EP400: variants seen among roughly 807,000 people sequenced by gnomAD.
The protein encoded by EP400 is E1A binding protein p400.
A neutral mutation model predicts 354.1 loss-of-function variants in EP400; 105 were observed. That is an observed-to-expected ratio of 0.30 (90% CI 0.25 to 0.35). The LOEUF is 0.35. Among genes scored for constraint, EP400 ranks in the 10% least tolerant of loss-of-function variants. EP400 has a pLI of 1.00. For synonymous variants in EP400, 1,646 were observed against 1,716.9 expected (o/e 0.96, Z 1.02); for missense variants, 3,280 against 4,121.0 (o/e 0.80, Z 5.59).
rs1895325798 is a variant in EP400, at chr12:132,052,414, T to G, written c.7395-732T>G. Reference sequence around the variant, plus strand: ...CGCTCTGAGTCGCCTGGCCCTGGCTTTCAGCCCCTTGGTGCTCCCTGAGTG... The same window carrying G: ...CGCTCTGAGTCGCCTGGCCCTGGCTGTCAGCCCCTTGGTGCTCCCTGAGTG... On this transcript the variant is annotated intron_variant, in intron 41 of 52. Transcript: ENST00000389561. The surrounding 1 kb of genome is among the most constrained non-coding windows in gnomAD (Gnocchi z 4.4). Among the ~76,000 whole-genome samples, 1 of 152,370 alleles carries G rather than the reference T, an allele frequency of 6.6e-6. No individual in the cohort carries two copies. Among genetic ancestry groups the G allele is most frequent in the East Asian group, 1.9e-4 (1 of 5,174 alleles).
chr12:131,998,033 A>C (rs1422440362), intron 12 of EP400, among the ~76,000 whole-genome samples: 6 of 152,192 alleles, frequency 3.9e-5, no homozygotes, highest in African/African-American at 1.4e-4. Flanking sequence ...GGAAAGCCAT[A>C]TTGAAAAGCC....
Position 132,012,993 on chromosome 12 carries a change from C to T in EP400, c.3442-16C>T, listed in dbSNP as rs1566186560. The T allele has an allele frequency of 1.9e-6, 3 of 1,592,570 alleles. No homozygotes were observed. The highest frequency in any genetic ancestry group is 2.7e-5 in the African/African-American group (2 of 74,544). On this transcript the variant is annotated splice_polypyrimidine_tract_variant and intron_variant, in intron 16 of 52. Transcript: ENST00000389561. ...GTGGAGTGTGAAGGCACTGAGCTGT[C>T]CTCTCTGTGCTGCAGGAGTGGGCCG... is the stretch of plus-strand genomic sequence containing the variant.
chr12:132,040,089 A>C (rs1184340872), intron 32 of EP400, among the ~76,000 whole-genome samples: 1 of 152,206 alleles, frequency 6.6e-6, no homozygotes, highest in Non-Finnish European at 1.5e-5. Context: ...AAAGGAAAAC[A>C]TGTAAGTGGC....
intron 2 of EP400, among the ~76,000 whole-genome samples, chr12:131,964,008 A>T (rs1345846878): frequency 6.6e-6 from 1 of 152,208 alleles, no homozygotes; most frequent in East Asian, 1.9e-4. Flanking sequence ...TAAGAAAAAA[A>T]AGATTCAAGT....
intron 5 of EP400, among the ~76,000 whole-genome samples, chr12:131,984,416 A>G (rs944939848): frequency 1.3e-5 from 2 of 152,194 alleles, no homozygotes; most frequent in Non-Finnish European, 2.9e-5. Context: ...ACCAGAGGCC[A>G]GAAAAGCCAG....
chr12:132,062,818 C>A (rs971161239), intron 47 of EP400, 117 bp downstream of exon 47: 38 of 1,300,704 alleles, frequency 2.9e-5, no homozygotes, highest in Non-Finnish European at 3.7e-5. Context: ...AAACGTCTAG[C>A]ACTGCCTTTA....
chr12:132,071,038 C>T (rs1467658823), intron 51 of EP400, among the ~76,000 whole-genome samples: 1 of 152,188 alleles, frequency 6.6e-6, no homozygotes, highest in Non-Finnish European at 1.5e-5. Flanking sequence ...TTGCTTTCTC[C>T]TGCCTTACTG....
chr12:131,981,071 A>T (rs1317013004), intron 3 of EP400, among the ~76,000 whole-genome samples: 1 of 152,060 alleles, frequency 6.6e-6, no homozygotes, highest in Non-Finnish European at 1.5e-5. Flanking sequence ...CCTTGTTCTG[A>T]TATGGGTTTC....
intron 48 of EP400, 146 bp downstream of exon 48, chr12:132,065,032 C>T: frequency 5.7e-6 from 8 of 1,399,106 alleles, no homozygotes; most frequent in Non-Finnish European, 6.6e-6. Flanking sequence ...ACCCCTTGGA[C>T]AGAGGACGGG....
At position 132,027,714 on chromosome 12, in the gene EP400, CT is replaced by C. The variant is rs1158849938; in HGVS notation, c.5109+190del. ...AAACTGGACTTACGACTGCCACAAT[CT>C]TTTTTTGTATTTTTTATGTCCTTCT... On this transcript the variant is annotated intron_variant, in intron 26 of 52. Transcript: ENST00000389561. The surrounding 1 kb of genome is among the most constrained non-coding windows in gnomAD (Gnocchi z 4.9). 1.3e-5 allele frequency among the ~76,000 whole-genome samples: 2 copies of C among 152,190 alleles called. No individual in the cohort carries two copies. Among genetic ancestry groups the C allele is most frequent in the Non-Finnish European group, 2.9e-5 (2 of 68,018 alleles).
intron 12 of EP400, 33 bp from the exon 13 acceptor site, chr12:132,005,044 A>G (rs1399121933): frequency 6.7e-7 from 1 of 1,499,704 alleles, no homozygotes; most frequent in Non-Finnish European, 9.1e-7. Context: ...GTTGTTATAA[A>G]GTAACAGCCC....
chr12:131,990,222 C>A lies in EP400; in HGVS notation c.2550+118C>A. The A allele has an allele frequency of 8.3e-7, 1 of 1,197,688 alleles. No homozygotes were observed. Among genetic ancestry groups the A allele is most frequent in the South Asian group, 1.5e-5 (1 of 66,956 alleles). The allele number at this position is 1,197,688 out of a possible 1,614,324, so 74.2% of individuals were successfully genotyped here. A position where few individuals can be genotyped will look rare whatever the true frequency, so the allele number is the denominator to read the frequency against. ...GGAAGCTTTCGAGCACCAGAGTCAG[C>A]AACGTGTGCACTCTCCTGGGCTGTT... On this transcript the variant is annotated intron_variant, in intron 8 of 52. Transcript: ENST00000389561. This position sits in a 1 kb window ranked among gnomAD's most constrained non-coding sequence, Gnocchi z 4.2.
chr12:132,043,491 A>G lies in EP400; in HGVS notation c.6366+29A>G, dbSNP rs371508416. 3.1e-6 allele frequency: 5 copies of G among 1,599,630 alleles called. No individual in the cohort carries two copies. The Admixed American group carries it at 5.4e-5, about 17-fold the overall frequency. On this transcript the variant is annotated intron_variant, in intron 33 of 52. Transcript: ENST00000389561. ...TGGGCATGTTTTCCTTTACAACTAC[A>G]TATTTTAAAAATTTGACGCTTCTAT...
intron 1 of EP400, among the ~76,000 whole-genome samples, chr12:131,957,347 A>G (rs1462169297): frequency 6.6e-6 from 1 of 152,100 alleles, no homozygotes; most frequent in Non-Finnish European, 1.5e-5. Flanking sequence ...AAACATTTAA[A>G]AATTATCTTC....
intron 30 of EP400, 102 bp downstream of exon 30, chr12:132,032,251 C>A: frequency 1.5e-6 from 2 of 1,340,040 alleles, no homozygotes; most frequent in Non-Finnish European, 2.0e-6. Flanking sequence ...CAATGAGAAG[C>A]TTTGCAGGAG....
intron 12 of EP400, among the ~76,000 whole-genome samples, chr12:132,001,077 G>A (rs1893395352): frequency 6.6e-6 from 1 of 152,066 alleles, no homozygotes; most frequent in South Asian, 2.1e-4. Flanking sequence ...AGGGTCGGTG[G>A]GTTTCTTCCC....
Position 132,038,408 on chromosome 12 carries a change from TCCTCTGG to T in EP400, c.6207+313_6207+319del, listed in dbSNP as rs1894786315. On this transcript the variant is annotated intron_variant, in intron 32 of 52. Coordinates refer to ENST00000389561, the MANE Select transcript of EP400 (RefSeq NM_015409.5). The surrounding 1 kb of genome is among the most constrained non-coding windows in gnomAD (Gnocchi z 4.2). The stretch of plus-strand genomic sequence containing the variant: ...CTCCCCATGGAAATCTATCCCTGCC[TCCTCTGG>T]AGGCTCTGCGGGCACTACCCCTACT... 6.6e-6 allele frequency among the ~76,000 whole-genome samples: 1 copy of T among 152,206 alleles called. No homozygotes were observed. The highest frequency in any genetic ancestry group is 6.5e-5 in the Admixed American group (1 of 15,276).
chr12:131,958,148 A>G (rs1485975126), intron 1 of EP400, among the ~76,000 whole-genome samples: 1 of 152,232 alleles, frequency 6.6e-6, no homozygotes, highest in African/African-American at 2.4e-5. Flanking sequence ...CTTTTGTGCC[A>G]GTTTCACACT....
In EP400 at chr12:131,990,107, G is replaced by A. The variant is rs1160644148; in HGVS notation, c.2550+3G>A. ...GCTTTTGGTCGAATATTGAACAGGC[G>A]AGTGCTGCCGTTGTCATGGGGTCGT... On this transcript the variant is annotated splice_donor_region_variant and intron_variant, in intron 8 of 52. Coordinates refer to ENST00000389561, the MANE Select transcript of EP400 (RefSeq NM_015409.5). The surrounding 1 kb of genome is among the most constrained non-coding windows in gnomAD (Gnocchi z 4.2). 6.9e-6 allele frequency: 11 copies of A among 1,600,274 alleles called. No homozygotes were observed. The highest frequency in any genetic ancestry group is 2.2e-5 in the East Asian group (1 of 44,764).
Sources: gnomAD v4.1 joint callset for allele counts (sites outside exome capture counted in the v4.1 genomes callset) on GRCh38, gnomAD v4.1.1 for gene constraint, Gnocchi (gnomAD v3.1) non-coding constraint, MANE v1.5 for transcripts, NCBI Gene and HGNC (gene_info 2026-07-23, HGNC 2026-07-21) for gene names.